Variants in NT5E observed in about 807,000 individuals in gnomAD.
The protein encoded by NT5E is 5'-nucleotidase ecto, also known as 5'-nucleotidase.
Under a neutral mutation model 55.1 loss-of-function variants are expected in NT5E, and 53 were observed. The observed-to-expected ratio is 0.96, with a 90% CI of 0.77 to 1.21. The LOEUF is 1.21. NT5E is among the 50% of genes most tolerant of loss of function. The probability of loss-of-function intolerance (pLI) is 0.00; values close to 1 mark genes in which losing one functional copy is unlikely to be tolerated. For missense variants in NT5E, 683 were observed against 724.3 expected, an observed-to-expected ratio of 0.94 and a Z score of 0.65; for synonymous variants, 270 against 278.4, an observed-to-expected ratio of 0.97 and a Z score of 0.30.
At chr6:85,493,539 A>C (rs1652634075) in intron 8 of NT5E, among the ~76,000 whole-genome samples, 1 of 152,128 alleles carries the variant, frequency 6.6e-6, no homozygotes, top group Non-Finnish European at 1.5e-5. Context: ...CAGTTCCCTA[A>C]TGCCCTTGTT....
intron 3 of NT5E, among the ~76,000 whole-genome samples, chr6:85,482,984 T>C (rs1189331372): frequency 6.6e-6 from 1 of 152,226 alleles, no homozygotes; most frequent in East Asian, 1.9e-4. Flanking sequence ...GCTCATTTAA[T>C]ATGCCAATGA....
At chr6:85,461,848 G>T (rs1249417618) in intron 1 of NT5E, among the ~76,000 whole-genome samples, 3 of 152,086 alleles carry the variant, frequency 2.0e-5, no homozygotes, top group African/African-American at 7.2e-5. Context: ...TGTCTAGAGA[G>T]ACTGGGGGTA....
chr6:85,450,106 G>T lies in NT5E; in HGVS notation c.-34G>T, dbSNP rs1446608555. Reference sequence around the variant, plus strand: ...CTACTCGCCGGCACTCGCCCGGCTCGCCCGCTTTCGCACCCAGTTCACGCG... The same window carrying T: ...CTACTCGCCGGCACTCGCCCGGCTCTCCCGCTTTCGCACCCAGTTCACGCG... On this transcript the variant is annotated 5_prime_UTR_variant, in exon 1 of 9. Transcript: ENST00000257770. This position sits in a 1 kb window ranked among gnomAD's most constrained non-coding sequence, Gnocchi z 4.0. 2 of 1,522,852 alleles carry T rather than the reference G, an allele frequency of 1.3e-6. No homozygotes were observed. Among genetic ancestry groups the T allele is most frequent in the South Asian group, 1.2e-5 (1 of 83,664 alleles). The allele number at this position is 1,522,852 out of a possible 1,614,324, so 94.3% of individuals were successfully genotyped here.
chr6:85,454,221 G>A (rs1768946035), intron 1 of NT5E, among the ~76,000 whole-genome samples: 1 of 152,230 alleles, frequency 6.6e-6, no homozygotes, highest in African/African-American at 2.4e-5. Context: ...CCCAGGAGCA[G>A]AATTGCTGGC....
At position 85,455,439 on chromosome 6, in the gene NT5E, A is replaced by G. The variant is rs1448395016; in HGVS notation, c.339+4961A>G. Among the ~76,000 whole-genome samples, 3 of 152,188 alleles carry G rather than the reference A, an allele frequency of 2.0e-5. No individual in the cohort carries two copies. In the East Asian group the frequency reaches 5.8e-4, roughly 29 times the overall value. ...TACAAAAACTCTTGAACAAGATGTG[A>G]GGAGCTTTTTAGTTGCTGAGCATTT... On this transcript the variant is annotated intron_variant, in intron 1 of 8. Coordinates refer to ENST00000257770, the MANE Select transcript of NT5E (RefSeq NM_002526.4).
rs1197124279 is a variant in NT5E at position 85,450,164 on chromosome 6, C to G, written c.25C>G (p.Pro9Ala). 1 of 1,594,370 alleles carries G rather than the reference C, an allele frequency of 6.3e-7. No individual in the cohort carries two copies. Among genetic ancestry groups the G allele is most frequent in the Admixed American group, 1.7e-5 (1 of 58,026 alleles). MCPRAARA[P>A]ATLLLALGAV... ...TATGTGTCCCCGAGCCGCGCGGGCG[C>G]CCGCGACGCTACTCCTCGCCCTGGG... The change falls in exon 1 of 9, where the codon CCC (proline) becomes GCC (alanine). Residue 9 changes from proline (P) to alanine (A), a missense_variant. By Grantham distance (27) the Pro-to-Ala change is conservative. Transcript: ENST00000257770. This position sits in a 1 kb window ranked among gnomAD's most constrained non-coding sequence, Gnocchi z 4.0.
intron 3 of NT5E, 122 bp downstream of exon 3, chr6:85,471,547 CT>C: frequency 1.9e-5 from 11 of 588,552 alleles, no homozygotes; most frequent in East Asian, 3.2e-5. Flanking sequence ...ATTATATGAT[CT>C]ATAATATATA....
chr6:85,464,372 C>T (rs1185883673), intron 1 of NT5E, among the ~76,000 whole-genome samples: 6 of 152,188 alleles, frequency 3.9e-5, no homozygotes, highest in African/African-American at 1.2e-4. Context: ...AATACTGGCT[C>T]ATTTCCTTAA....
Position 85,450,447 on chromosome 6 carries a change from A to G in NT5E, c.308A>G (p.His103Arg). Residue 103 changes from histidine (H) to arginine (R), a missense_variant, in exon 1 of 9, where the codon CAC (histidine) becomes CGC (arginine). By Grantham distance (29) the His-to-Arg change is conservative (BLOSUM62 0). Coordinates refer to ENST00000257770, the MANE Select transcript of NT5E (RefSeq NM_002526.4). The surrounding 1 kb of genome is among the most constrained non-coding windows in gnomAD (Gnocchi z 4.0). ...GTGTACAAGGGCGCCGAGGTGGCGC[A>G]CTTCATGAACGCCCTGCGCTACGAT... The part of the protein sequence containing the change: ...FTVYKGAEVA[H>R]FMNALRYDAM... 2 of 1,599,874 alleles carry G rather than the reference A, an allele frequency of 1.3e-6. No homozygotes were observed. Among genetic ancestry groups the G allele is most frequent in the Non-Finnish European group, 1.7e-6 (2 of 1,174,446 alleles).
intron 1 of NT5E, among the ~76,000 whole-genome samples, chr6:85,451,121 C>A (rs183904929): frequency 2.4e-4 from 37 of 152,232 alleles, no homozygotes; most frequent in Non-Finnish European, 4.9e-4. Flanking sequence ...TATAATTGTA[C>A]ATAGTGCACA....
chr6:85,473,599 G>A (rs1769366645), intron 3 of NT5E, among the ~76,000 whole-genome samples: 1 of 152,172 alleles, frequency 6.6e-6, no homozygotes, highest in African/African-American at 2.4e-5. Flanking sequence ...AAACATATAT[G>A]TGTGTGTGCG....
intron 4 of NT5E, among the ~76,000 whole-genome samples, chr6:85,486,951 C>A (rs977429960): frequency 7.9e-5 from 12 of 152,158 alleles, no homozygotes; most frequent in African/African-American, 1.2e-4. Flanking sequence ...TCTCAGTAGC[C>A]AGATGGGAAA....
At chr6:85,490,227 C>T (rs1336209341) in intron 6 of NT5E, among the ~76,000 whole-genome samples, 1 of 152,188 alleles carries the variant, frequency 6.6e-6, no homozygotes, top group African/African-American at 2.4e-5. Context: ...TACTGGAGAT[C>T]CAGCCCCAAG....
chr6:85,475,582 A>C (rs1047276640), intron 3 of NT5E, among the ~76,000 whole-genome samples: 3 of 152,230 alleles, frequency 2.0e-5, no homozygotes, highest in African/African-American at 7.2e-5. Flanking sequence ...TAGAGTCACG[A>C]ACTGGTCCAT....
intron 2 of NT5E, among the ~76,000 whole-genome samples, chr6:85,469,114 T>C (rs1236859369): frequency 6.6e-6 from 1 of 152,238 alleles, no homozygotes; most frequent in Non-Finnish European, 1.5e-5. Flanking sequence ...CCTGTATTTC[T>C]AGCACATTTA....
At chr6:85,460,285 A>C (rs953723707) in intron 1 of NT5E, among the ~76,000 whole-genome samples, 4 of 152,208 alleles carry the variant, frequency 2.6e-5, no homozygotes, top group Admixed American at 6.5e-5. Flanking sequence ...TGATTTAGTC[A>C]GCCTTTCCCA....
chr6:85,490,101 T>C (rs1325935524), intron 6 of NT5E, among the ~76,000 whole-genome samples: 7 of 152,226 alleles, frequency 4.6e-5, no homozygotes, highest in African/African-American at 1.7e-4. Context: ...CCTGATTTAC[T>C]GTGAAAACCA....
At chr6:85,464,989 A>AT (rs760965648) in intron 1 of NT5E, among the ~76,000 whole-genome samples, 3 of 152,212 alleles carry the variant, frequency 2.0e-5, no homozygotes, top group Non-Finnish European at 4.4e-5. Flanking sequence ...TTGGGAGGAA[A>AT]TGACACATGG....
rs72905321 is a variant in NT5E at position 85,490,559 on chromosome 6, T to A, written c.1262T>A (p.Phe421Tyr). 584 of 1,614,218 alleles carry A rather than the reference T, an allele frequency of 3.6e-4. No individual in the cohort carries two copies. Among genetic ancestry groups the A allele is most frequent in the Admixed American group, 5.8e-4 (35 of 60,036 alleles). ...LAAVLPFGGT[F>Y]DLVQLKGSTL... Reference sequence around the variant, plus strand: ...GCTGTATTGCCCTTTGGAGGCACATTTGACCTAGTCCAGTTAAAAGGTTCC... The same window carrying A: ...GCTGTATTGCCCTTTGGAGGCACATATGACCTAGTCCAGTTAAAAGGTTCC... The change falls in exon 7 of 9, where the codon TTT becomes TAT. Residue 421 changes from phenylalanine (F) to tyrosine (Y), a missense_variant. Physicochemically the swap from Phe to Tyr is conservative, Grantham distance 22. Coordinates refer to ENST00000257770, the MANE Select transcript of NT5E (RefSeq NM_002526.4).
Sources: gnomAD v4.1 joint callset for allele counts (sites outside exome capture counted in the v4.1 genomes callset) on GRCh38, gnomAD v4.1.1 for gene constraint, Gnocchi (gnomAD v3.1) non-coding constraint, MANE v1.5 for transcripts, NCBI Gene and HGNC (gene_info 2026-07-23, HGNC 2026-07-21) for gene names.